Variants in PDE1A observed in about 807,000 individuals in gnomAD.
PDE1A encodes dual specificity calcium/calmodulin-dependent 3',5'-cyclic nucleotide phosphodiesterase 1A.
In PDE1A, 35 loss-of-function variants were observed where a neutral mutation model predicts 61.7. That is an observed-to-expected ratio of 0.57 (90% CI 0.43 to 0.75). The LOEUF is 0.75. Ranked by LOEUF, PDE1A falls within the 30% of genes least tolerant of loss-of-function variation. The probability of loss-of-function intolerance (pLI) is 0.00; values close to 1 mark genes in which losing one functional copy is unlikely to be tolerated. For synonymous variants in PDE1A, 232 were observed against 213.2 expected, an observed-to-expected ratio of 1.09 and a Z score of -0.77; for missense variants, 597 against 630.6, an observed-to-expected ratio of 0.95 and a Z score of 0.57.
chr2:182,149,143 A>C (rs1174545570), intron 13 of PDE1A, among the ~76,000 whole-genome samples: 3 of 152,230 alleles, frequency 2.0e-5, no homozygotes, highest in Non-Finnish European at 4.4e-5. Flanking sequence ...AACAGAACAT[A>C]GTAAAAAGAA....
intron 13 of PDE1A, among the ~76,000 whole-genome samples, chr2:182,147,374 G>C (rs932265462): frequency 1.3e-5 from 2 of 152,094 alleles, no homozygotes; most frequent in Non-Finnish European, 2.9e-5. Flanking sequence ...TTCTCAAGCT[G>C]TGATTTAATA....
chr2:182,624,089 C>T, the PDE1A span, among the ~76,000 whole-genome samples: 9 of 143,406 alleles, frequency 6.3e-5, no homozygotes, highest in African/African-American at 2.1e-4. Flanking sequence ...CACGCCACTG[C>T]ACTCCAGCCT....
At chr2:182,323,243 C>G (rs1696815689) in intron 1 of PDE1A, among the ~76,000 whole-genome samples, 1 of 152,232 alleles carries the variant, frequency 6.6e-6, no homozygotes, top group Admixed American at 6.5e-5. Flanking sequence ...TTCTTTGTGA[C>G]TAATAATTGT....
At chr2:182,177,998 G>A (rs1031386780) in intron 13 of PDE1A, among the ~76,000 whole-genome samples, 3 of 151,980 alleles carry the variant, frequency 2.0e-5, no homozygotes, top group African/African-American at 4.8e-5. Flanking sequence ...ATCAAATATT[G>A]TTTTTCATTT....
chr2:182,373,122 A>G (rs1700208393), intron 1 of PDE1A, among the ~76,000 whole-genome samples: 1 of 152,222 alleles, frequency 6.6e-6, no homozygotes, highest in African/African-American at 2.4e-5. Flanking sequence ...AATGAAAAAT[A>G]CATCACAGGG....
intron 1 of PDE1A, among the ~76,000 whole-genome samples, chr2:182,371,516 T>C (rs1371793314): frequency 6.6e-6 from 1 of 152,172 alleles, no homozygotes; most frequent in Non-Finnish European, 1.5e-5. Flanking sequence ...TGCCCCACAA[T>C]GTTTCAGCAG....
At chr2:182,247,154 T>C (rs1258436617) in intron 2 of PDE1A, among the ~76,000 whole-genome samples, 1 of 152,194 alleles carries the variant, frequency 6.6e-6, no homozygotes, top group Non-Finnish European at 1.5e-5. Context: ...AATAATCATG[T>C]TGCATATTAT....
chr2:182,207,848 A>G (rs1271185646), intron 7 of PDE1A, among the ~76,000 whole-genome samples: 1 of 152,202 alleles, frequency 6.6e-6, no homozygotes, highest in East Asian at 1.9e-4. Flanking sequence ...CCTGCATCCC[A>G]GCTGCTCTAG....
At chr2:182,140,456 G>A (rs896470526) in exon 15 of PDE1A, 1 of 152,104 alleles carries the variant, frequency 6.6e-6, no homozygotes, top group South Asian at 2.1e-4. Context: ...AAATTGAATT[G>A]CATAAAACAC....
the PDE1A span, among the ~76,000 whole-genome samples, chr2:182,714,696 T>C: frequency 6.6e-6 from 1 of 151,980 alleles, no homozygotes; most frequent in East Asian, 1.9e-4. Flanking sequence ...GTAGCTGGGA[T>C]TATAGGGGTG....
At chr2:182,561,736 C>G in the PDE1A span, among the ~76,000 whole-genome samples, 16 of 152,118 alleles carry the variant, frequency 1.1e-4, 1 homozygote, top group South Asian at 3.1e-3. Context: ...TTTCCTTGAG[C>G]AGTGGTTTGT....
downstream of PDE1A, chr2:182,142,123 A>AACACACACACACACACACACAC (rs59139983): frequency 2.7e-5 from 4 of 146,300 alleles, no homozygotes; most frequent in Admixed American, 2.1e-4. Context: ...GACATTTTTG[A>AACACACACACACACACACACAC]ACACACACAC....
At chr2:182,157,024 T>A (rs6759207) in intron 13 of PDE1A, among the ~76,000 whole-genome samples, 1,592 of 148,654 alleles carry the variant, frequency 0.011, 14 homozygotes, top group African/African-American at 0.033. Context: ...ATTTTATTTT[T>A]TTTTTTTTGA....
At chr2:182,552,796 C>G in the PDE1A span, among the ~76,000 whole-genome samples, 2 of 152,204 alleles carry the variant, frequency 1.3e-5, no homozygotes, top group Non-Finnish European at 2.9e-5. Flanking sequence ...GGACCCCCTC[C>G]CTTTGTATGG....
intron 1 of PDE1A, among the ~76,000 whole-genome samples, chr2:182,277,069 C>A (rs1441260182): frequency 6.6e-6 from 1 of 151,934 alleles, no homozygotes; most frequent in Non-Finnish European, 1.5e-5. Context: ...CTAATTTTGC[C>A]CTTTGCCTTG....
chr2:182,523,697 A>G (rs989008859), upstream of PDE1A, among the ~76,000 whole-genome samples: 1 of 152,212 alleles, frequency 6.6e-6, no homozygotes, highest in Admixed American at 6.5e-5. Context: ...CCTATTACAT[A>G]TTACCTTTTT....
At chr2:182,582,903 G>A in the PDE1A span, among the ~76,000 whole-genome samples, 7 of 152,126 alleles carry the variant, frequency 4.6e-5, no homozygotes, top group Non-Finnish European at 7.4e-5. Context: ...TTCTGTGTTT[G>A]GCTGATATTT....
rs554689885 is a variant in PDE1A, at chr2:182,169,853, T to C, written c.1517-1563A>G. Reference sequence around the variant, plus strand: ...GCAGGCATGCTCCCTCTACCTTCCTTCTTACTTTTGTTGTCCATGCAAATA... The same window carrying C: ...GCAGGCATGCTCCCTCTACCTTCCTCCTTACTTTTGTTGTCCATGCAAATA... On this transcript the variant is annotated intron_variant, in intron 13 of 13. Coordinates refer to ENST00000351439, the Ensembl canonical transcript of PDE1A. Among the ~76,000 whole-genome samples the C allele has an allele frequency of 2.6e-5, 4 of 151,388 alleles. No individual in the cohort carries two copies. In the East Asian group the frequency reaches 7.8e-4, roughly 30 times the overall value.
chr2:182,408,842 C>T (rs149161576), intron 1 of PDE1A, among the ~76,000 whole-genome samples: 100 of 152,286 alleles, frequency 6.6e-4, no homozygotes, highest in Middle Eastern at 6.8e-3. Context: ...TCACAAAATT[C>T]GGGAACTGCA....
Sources: gnomAD v4.1 joint callset for allele counts (sites outside exome capture counted in the v4.1 genomes callset) on GRCh38, gnomAD v4.1.1 for gene constraint, MANE v1.5 for transcripts, NCBI Gene and HGNC (gene_info 2026-07-23, HGNC 2026-07-21) for gene names.